ALDH7A1: variants seen among roughly 807,000 people sequenced by gnomAD.
ALDH7A1 encodes the protein alpha-aminoadipic semialdehyde dehydrogenase.
Under a neutral mutation model 79.9 loss-of-function variants are expected in ALDH7A1, and 63 were observed. The observed-to-expected ratio is 0.79, with a 90% CI of 0.64 to 0.97. The LOEUF is 0.97. Among genes scored for constraint, ALDH7A1 ranks in the 50% least tolerant of loss-of-function variants. ALDH7A1 has a pLI of 0.00. For missense variants in ALDH7A1, 627 were observed against 665.2 expected (o/e 0.94, Z 0.63); for synonymous variants, 240 against 231.2 (o/e 1.04, Z -0.34).
chr5:126,565,678 G>C (rs1049662612), intron 9 of ALDH7A1, among the ~76,000 whole-genome samples: 1 of 152,028 alleles, frequency 6.6e-6, no homozygotes, highest in Non-Finnish European at 1.5e-5. Context: ...AGAAACCATC[G>C]CCTAATCCAA....
At chr5:126,573,158 C>T (rs1280740101) in intron 7 of ALDH7A1, among the ~76,000 whole-genome samples, 2 of 137,458 alleles carry the variant, frequency 1.5e-5, no homozygotes, top group East Asian at 4.7e-4. Context: ...AAACCAGTAT[C>T]AAAATGAACA....
chr5:126,574,524 T>C (rs922726226), intron 7 of ALDH7A1, among the ~76,000 whole-genome samples: 6 of 151,548 alleles, frequency 4.0e-5, no homozygotes, highest in East Asian at 1.9e-4. Flanking sequence ...TGAAACCCCA[T>C]CTCTACTAAA....
At chr5:126,586,161 A>C (rs1751353570) in intron 3 of ALDH7A1, 1 of 152,206 alleles carries the variant, frequency 6.6e-6, no homozygotes, top group Non-Finnish European at 1.5e-5. Flanking sequence ...GGGGAATGAA[A>C]TTATAACAGA....
At position 126,593,672 on chromosome 5, in the gene ALDH7A1, T is replaced by C. The variant is rs1751637394; in HGVS notation, c.193-268A>G. 21 of 579,104 alleles carry C rather than the reference T, an allele frequency of 3.6e-5. No individual in the cohort carries two copies. In the South Asian group the frequency reaches 4.4e-4, roughly 12 times the overall value. The allele number at this position is 579,104 out of a possible 1,614,324, so 35.9% of individuals were successfully genotyped here. A position where few individuals can be genotyped will look rare whatever the true frequency, so the allele number is the denominator to read the frequency against. ...AAACAAAAGCCTTAACATAAGCAGT[T>C]ATTTTGTCTCTTTTTCCATTAATAA... On this transcript the variant is annotated intron_variant, in intron 1 of 17. Coordinates refer to ENST00000409134, the MANE Select transcript of ALDH7A1 (RefSeq NM_001182.5).
chr5:126,568,626 G>C (rs1201027685), intron 8 of ALDH7A1: 3 of 450,400 alleles, frequency 6.7e-6, no homozygotes, highest in East Asian at 9.0e-5. Flanking sequence ...TTCCTATACT[G>C]AGTGAGTGAC....
chr5:126,577,023 C>T (rs1289382725), intron 6 of ALDH7A1, 56 bp downstream of exon 6: 1 of 1,611,352 alleles, frequency 6.2e-7, no homozygotes, highest in Non-Finnish European at 8.5e-7. Context: ...GTAGTAGTAT[C>T]TAGAAATGGC....
At position 126,595,167 on chromosome 5, in the gene ALDH7A1, T is replaced by G; in HGVS notation, c.32A>C (p.His11Pro). 1 of 1,554,666 alleles carries G rather than the reference T, an allele frequency of 6.4e-7. No individual in the cohort carries two copies. Among genetic ancestry groups the G allele is most frequent in the South Asian group, 1.2e-5 (1 of 84,466 alleles). The change falls in exon 1 of 18, where the codon CAC becomes CCC. Residue 11 changes from histidine (H) to proline (P), a missense_variant. Physicochemically the swap from His to Pro is moderately conservative, Grantham distance 77. Coordinates refer to ENST00000409134, the MANE Select transcript of ALDH7A1 (RefSeq NM_001182.5). MWRLPRALCV[H>P]AAKTSKLSGP... The stretch of plus-strand genomic sequence containing the variant: ...AGAGAGCTTGCTGGTCTTTGCAGCG[T>G]GCACACACAGCGCGCGAGGAAGGCG...
Position 126,593,410 on chromosome 5 carries a change from A to G in ALDH7A1, c.193-6T>C. 1 of 1,614,004 alleles carries G rather than the reference A, an allele frequency of 6.2e-7. No individual in the cohort carries two copies. The highest frequency in any genetic ancestry group is 8.5e-7 in the Non-Finnish European group (1 of 1,180,034). On this transcript the variant is annotated splice_polypyrimidine_tract_variant and splice_region_variant and intron_variant, in intron 1 of 17. Coordinates refer to ENST00000409134, the MANE Select transcript of ALDH7A1 (RefSeq NM_001182.5). ...GGGCAATAGGTCGTAATAACCTTAA[A>G]ACAAAAGGATGATGATCATGTATAG... is the stretch of plus-strand genomic sequence containing the variant.
At chr5:126,547,025 CT>C (rs1749808043) in intron 16 of ALDH7A1, among the ~76,000 whole-genome samples, 3 of 152,204 alleles carry the variant, frequency 2.0e-5, no homozygotes, top group African/African-American at 7.2e-5. Context: ...ACATAACTGA[CT>C]TCAAAGAATG....
chr5:126,575,304 AG>A (rs1750926979), intron 7 of ALDH7A1, 115 bp downstream of exon 7: 2 of 899,948 alleles, frequency 2.2e-6, no homozygotes, highest in South Asian at 3.2e-5. Flanking sequence ...AAGGAGAAAG[AG>A]GTTATCCAAA....
rs374754319 is a variant in ALDH7A1 at position 126,559,194 on chromosome 5, T to A, written c.1008+46A>T. 3 of 1,500,556 alleles carry A rather than the reference T, an allele frequency of 2.0e-6. No individual in the cohort carries two copies. In the African/African-American group the frequency reaches 4.1e-5, roughly 21 times the overall value. 93.0% of individuals were successfully genotyped at this position (1,500,556 alleles called of 1,614,324 possible). ...TCTAACAGCAGAACTCATTAAAAAGTAGTGTTTTAAGAGCAAGACAATCGG... is the reference window on the plus strand; with the variant it reads ...TCTAACAGCAGAACTCATTAAAAAGAAGTGTTTTAAGAGCAAGACAATCGG... On this transcript the variant is annotated intron_variant, in intron 11 of 17. Transcript: ENST00000409134.
At chr5:126,572,307 T>C (rs1750803550) in intron 7 of ALDH7A1, among the ~76,000 whole-genome samples, 1 of 152,206 alleles carries the variant, frequency 6.6e-6, no homozygotes, top group Non-Finnish European at 1.5e-5. Flanking sequence ...GATCATGAAC[T>C]CCAGCTCTCA....
chr5:126,568,316 A>C lies in ALDH7A1; in HGVS notation c.814T>G (p.Phe272Val), dbSNP rs1378288146. Residue 272 changes from phenylalanine (F) to valine (V), a missense_variant, in exon 9 of 18, where the codon TTC (phenylalanine) becomes GTC (valine). Phe to Val is a conservative substitution (Grantham distance 50). Coordinates refer to ENST00000409134, the MANE Select transcript of ALDH7A1 (RefSeq NM_001182.5). ...TTTCCCACCTGAGTGCTCCCAGTGA[A>C]GGACAGCAGGTTCACTCGTTCATCT... is the stretch of plus-strand genomic sequence containing the variant. ...AKDERVNLLS[F>V]TGSTQVGKQV... 6.2e-7 allele frequency: 1 copy of C among 1,614,172 alleles called. No individual in the cohort carries two copies. The highest frequency in any genetic ancestry group is 8.5e-7 in the Non-Finnish European group (1 of 1,180,014).
intron 8 of ALDH7A1, chr5:126,568,777 C>G (rs1453629649): frequency 1.7e-5 from 4 of 235,752 alleles, no homozygotes; most frequent in African/African-American, 9.0e-5. Context: ...ATAAAAAATA[C>G]TAAAATTAGC....
intron 16 of ALDH7A1, among the ~76,000 whole-genome samples, chr5:126,548,073 A>G (rs999566407): frequency 3.9e-5 from 6 of 152,116 alleles, no homozygotes; most frequent in Non-Finnish European, 7.4e-5. Context: ...AAGAATCTCA[A>G]TGTAGCCTCT....
In ALDH7A1 at chr5:126,546,730, T is replaced by C. The variant is rs144661037; in HGVS notation, c.1490-331A>G. On this transcript the variant is annotated intron_variant, in intron 16 of 17. Coordinates refer to ENST00000409134, the MANE Select transcript of ALDH7A1 (RefSeq NM_001182.5). Reference sequence around the variant, plus strand: ...CACCGTGCCCAGCCCACACATGTTATTCATAGTTTTTCTTTTGAGCAGGGC... The same window carrying C: ...CACCGTGCCCAGCCCACACATGTTACTCATAGTTTTTCTTTTGAGCAGGGC... Among the ~76,000 whole-genome samples, 547 of 152,230 alleles carry C rather than the reference T, an allele frequency of 3.6e-3. 2 individuals carry two copies. Among genetic ancestry groups the C allele is most frequent in the Non-Finnish European group, 5.9e-3 (398 of 68,020 alleles).
chr5:126,554,157 T>C (rs1467659534), intron 13 of ALDH7A1, 130 bp downstream of exon 13: 1 of 683,074 alleles, frequency 1.5e-6, no homozygotes, highest in African/African-American at 1.8e-5. Context: ...TATAATAATA[T>C]ATATAAATAA....
At chr5:126,565,415 A>T (rs989387178) in intron 9 of ALDH7A1, among the ~76,000 whole-genome samples, 2 of 150,852 alleles carry the variant, frequency 1.3e-5, no homozygotes, top group South Asian at 2.1e-4. Context: ...AAAAAAAAAA[A>T]AAAAAAAGAC....
chr5:126,568,204 A>AT (rs1236725763), intron 9 of ALDH7A1, 55 bp downstream of exon 9: 54 of 1,551,424 alleles, frequency 3.5e-5, no homozygotes, highest in Non-Finnish European at 4.3e-5. Context: ...CAACTTTTAG[A>AT]TTTCACCTCC....
Sources: allele counts gnomAD v4.1 joint callset (sites outside exome capture counted in the v4.1 genomes callset), GRCh38; gene constraint gnomAD v4.1.1; transcripts MANE v1.5; gene names NCBI Gene and HGNC (gene_info 2026-07-23, HGNC 2026-07-21).